Variants in M1AP observed in about 807,000 individuals in gnomAD.
M1AP encodes the protein meiosis 1 associated protein, also known as meiosis 1 arrest protein.
A neutral mutation model predicts 51.2 loss-of-function variants in M1AP; 39 were observed. That is an observed-to-expected ratio of 0.76 (90% confidence interval 0.59 to 1.00). The LOEUF is 1.00. Among genes scored for constraint, M1AP ranks in the 50% least tolerant of loss-of-function variants. M1AP has a pLI of 0.00. For missense variants in M1AP, 545 were observed against 641.2 expected (o/e 0.85, Z 1.62); for synonymous variants, 251 against 249.2 (o/e 1.01, Z -0.07).
At chr2:74,599,894 G>A (rs540311719) in intron 4 of M1AP, among the ~76,000 whole-genome samples, 97 of 151,118 alleles carry the variant, frequency 6.4e-4, no homozygotes, top group Non-Finnish European at 4.0e-4. Context: ...GCACTGATGC[G>A]ATCATAGCTT....
chr2:74,579,270 C>T (rs1679262634), intron 5 of M1AP, among the ~76,000 whole-genome samples: 1 of 152,194 alleles, frequency 6.6e-6, no homozygotes, highest in Non-Finnish European at 1.5e-5. Flanking sequence ...TACAGGAGTT[C>T]CTGGCCTCTG....
Position 74,617,696 on chromosome 2 carries a change from AT to A in M1AP, c.241-2548del, listed in dbSNP as rs138637539. The stretch of plus-strand genomic sequence containing the variant: ...AATAAAAGTTAAAAAAATTCATACC[AT>A]TTGTTTTAAGAGTGTCTGGGAAAAA... On this transcript the variant is annotated intron_variant, in intron 2 of 10. Coordinates refer to ENST00000421985, the MANE Select transcript of M1AP (RefSeq NM_001321739.2). Among the ~76,000 whole-genome samples, 649 of 152,308 alleles carry A rather than the reference AT, an allele frequency of 4.3e-3. 5 individuals carry two copies. The highest frequency in any genetic ancestry group is 0.015 in the African/African-American group (623 of 41,564).
At chr2:74,594,212 G>A (rs977199913) in intron 4 of M1AP, among the ~76,000 whole-genome samples, 2 of 152,082 alleles carry the variant, frequency 1.3e-5, no homozygotes. Flanking sequence ...ATAACACAAT[G>A]TTCACAAAAT....
chr2:74,583,628 T>C (rs1303945401), intron 4 of M1AP, among the ~76,000 whole-genome samples: 1 of 152,198 alleles, frequency 6.6e-6, no homozygotes, highest in Non-Finnish European at 1.5e-5. Context: ...TGAAATACTT[T>C]TACAAAGGGC....
At chr2:74,590,499 G>A (rs1392470488) in intron 4 of M1AP, among the ~76,000 whole-genome samples, 1 of 152,130 alleles carries the variant, frequency 6.6e-6, no homozygotes, top group African/African-American at 2.4e-5. Flanking sequence ...TCTAAGATAG[G>A]TCCCAAATAC....
intron 4 of M1AP, among the ~76,000 whole-genome samples, chr2:74,606,338 C>T (rs1285807326): frequency 6.6e-6 from 1 of 152,186 alleles, no homozygotes; most frequent in Non-Finnish European, 1.5e-5. Context: ...CCCATGAAGC[C>T]AGCCCTGCAT....
intron 8 of M1AP, among the ~76,000 whole-genome samples, chr2:74,561,576 A>AT (rs1460641871): frequency 1.3e-5 from 2 of 152,070 alleles, no homozygotes; most frequent in African/African-American, 4.8e-5. Context: ...ACAAAGGCTG[A>AT]TTTTTTGGGT....
At chr2:74,611,898 T>TTG (rs1221552251) in intron 3 of M1AP, among the ~76,000 whole-genome samples, 4 of 84,760 alleles carry the variant, frequency 4.7e-5, no homozygotes, top group Non-Finnish European at 9.8e-5. Context: ...TTTTTTTTTT[T>TTG]TTTTTTTTTT....
intron 4 of M1AP, among the ~76,000 whole-genome samples, chr2:74,589,298 G>A (rs1679902901): frequency 6.6e-6 from 1 of 152,132 alleles, no homozygotes; most frequent in Non-Finnish European, 1.5e-5. Flanking sequence ...AAGGAAGTGA[G>A]GACTAGCTAA....
At chr2:74,630,369 G>A (rs1376494025) in intron 2 of M1AP, among the ~76,000 whole-genome samples, 3 of 152,164 alleles carry the variant, frequency 2.0e-5, no homozygotes, top group Admixed American at 1.3e-4. Context: ...TGTGCAGAAC[G>A]TGCAGGTTTG....
In M1AP at chr2:74,611,888, T is replaced by TTG. The variant is rs1251083700; in HGVS notation, c.426+3075_426+3076insCA. 5.8e-3 allele frequency among the ~76,000 whole-genome samples: 399 copies of TTG among 69,314 alleles called. 8 individuals carry two copies. Among genetic ancestry groups the TTG allele is most frequent in the Non-Finnish European group, 9.5e-3 (324 of 33,980 alleles). The allele number at this position is 69,314 out of a possible 152,430, so 45.5% of individuals were successfully genotyped here. A position where few individuals can be genotyped will look rare whatever the true frequency, so the allele number is the denominator to read the frequency against. ...AAAACAACAACAAAAAAGTGTTTTT[T>TTG]TTTTTTTTTTTTTTTTTTTTTTTGA... is the stretch of plus-strand genomic sequence containing the variant. On this transcript the variant is annotated intron_variant, in intron 3 of 10. Coordinates refer to ENST00000421985, the MANE Select transcript of M1AP (RefSeq NM_001321739.2).
intron 2 of M1AP, among the ~76,000 whole-genome samples, chr2:74,625,144 G>C (rs929467025): frequency 2.0e-5 from 3 of 152,040 alleles, no homozygotes; most frequent in Non-Finnish European, 4.4e-5. Context: ...TGACATCTCT[G>C]CATATTTGGG....
chr2:74,611,901 T>TTTTG (rs1681385970), intron 3 of M1AP, among the ~76,000 whole-genome samples: 1 of 95,804 alleles, frequency 1.0e-5, no homozygotes, highest in African/African-American at 3.9e-5. Context: ...TTTTTTTTTT[T>TTTTG]TTTTTTTTTT....
In M1AP at chr2:74,566,288, G is replaced by T. The variant is rs189150769; in HGVS notation, c.1075-3865C>A. 9.8e-4 allele frequency among the ~76,000 whole-genome samples: 149 copies of T among 152,270 alleles called. 2 individuals are homozygous for T. Among genetic ancestry groups the T allele is most frequent in the African/African-American group, 3.5e-3 (146 of 41,546 alleles). On this transcript the variant is annotated intron_variant, in intron 7 of 10. Coordinates refer to ENST00000421985, the MANE Select transcript of M1AP (RefSeq NM_001321739.2). Reference sequence around the variant, plus strand: ...ATATCAGAGAGCTATGGTGCAAAAGGTCTAGATAGATGTGGCAACAAGTAC... The same window carrying T: ...ATATCAGAGAGCTATGGTGCAAAAGTTCTAGATAGATGTGGCAACAAGTAC...
chr2:74,608,573 G>T (rs2104709353), intron 3 of M1AP, among the ~76,000 whole-genome samples: 1 of 152,300 alleles, frequency 6.6e-6, no homozygotes, highest in East Asian at 1.9e-4. Flanking sequence ...TGTGTGGATA[G>T]GTTTTCAACT....
At chr2:74,633,439 AC>A (rs1260173975) in intron 2 of M1AP, among the ~76,000 whole-genome samples, 1 of 152,016 alleles carries the variant, frequency 6.6e-6, no homozygotes, top group Non-Finnish European at 1.5e-5. Flanking sequence ...ATGTCTGATC[AC>A]CCTGGCCTGT....
chr2:74,632,043 T>C (rs936945040), intron 2 of M1AP, among the ~76,000 whole-genome samples: 1 of 152,238 alleles, frequency 6.6e-6, no homozygotes, highest in Non-Finnish European at 1.5e-5. Flanking sequence ...AATAGTATTG[T>C]TTCTGCAATT....
chr2:74,574,578 A>T (rs1558653208), intron 7 of M1AP, among the ~76,000 whole-genome samples: 1 of 152,148 alleles, frequency 6.6e-6, no homozygotes, highest in African/African-American at 2.4e-5. Flanking sequence ...CTGCGAGTTC[A>T]TTTCCAAATT....
intron 2 of M1AP, chr2:74,619,014 C>T (rs363696): frequency 0.04 from 20,690 of 521,340 alleles, 1,877 homozygotes; most frequent in African/African-American, 0.26. Flanking sequence ...CATATTTTCA[C>T]GTCTGTACTT....
Sources: gnomAD v4.1 joint callset for allele counts (sites outside exome capture counted in the v4.1 genomes callset) on GRCh38, gnomAD v4.1.1 for gene constraint, MANE v1.5 for transcripts, NCBI Gene and HGNC (gene_info 2026-07-23, HGNC 2026-07-21) for gene names.